CACNB2: variants seen among roughly 807,000 people sequenced by gnomAD.
CACNB2 encodes calcium voltage-gated channel auxiliary subunit beta 2, also known as voltage-dependent L-type calcium channel subunit beta-2.
A neutral mutation model predicts 73.3 loss-of-function variants in CACNB2; 42 were observed. The ratio of observed to expected loss-of-function variants is 0.57; its 90% CI spans 0.45 to 0.74. The LOEUF (loss-of-function observed/expected upper bound fraction) is 0.74. CACNB2 is among the 30% of genes least tolerant of loss of function. The pLI, the probability that CACNB2 is intolerant of heterozygous loss-of-function variation, is 0.00. For synonymous variants in CACNB2, 348 were observed against 310.3 expected (o/e 1.12, Z -1.28); for missense variants, 940 against 853.0 (o/e 1.10, Z -1.27).
intron 2 of CACNB2, among the ~76,000 whole-genome samples, chr10:18,386,184 C>G (rs932694415): frequency 2.6e-5 from 4 of 152,124 alleles, no homozygotes; most frequent in Non-Finnish European, 4.4e-5. Context: ...TAAACTTAGG[C>G]ATTTTCCATT....
chr10:18,389,872 T>C (rs139401100), intron 2 of CACNB2, among the ~76,000 whole-genome samples: 2 of 152,260 alleles, frequency 1.3e-5, no homozygotes, highest in Non-Finnish European at 2.9e-5. Flanking sequence ...GAACATCTTT[T>C]CCAGATGCTT....
At chr10:18,327,868 G>T (rs1046861135) in intron 2 of CACNB2, among the ~76,000 whole-genome samples, 1 of 152,136 alleles carries the variant, frequency 6.6e-6, no homozygotes, top group Admixed American at 6.6e-5. Context: ...CTGAGGGTTG[G>T]GGGGTGTCCT....
chr10:18,333,110 C>G (rs1477499501), intron 2 of CACNB2, among the ~76,000 whole-genome samples: 1 of 152,104 alleles, frequency 6.6e-6, no homozygotes, highest in Non-Finnish European at 1.5e-5. Context: ...ACAGTAGGTT[C>G]TCATTTTCAA....
At chr10:18,481,537 G>A (rs2048778360) in intron 3 of CACNB2, among the ~76,000 whole-genome samples, 1 of 151,576 alleles carries the variant, frequency 6.6e-6, no homozygotes, top group African/African-American at 2.4e-5. Context: ...GTGAGCCACC[G>A]TACCCGGCCC....
intron 3 of CACNB2, among the ~76,000 whole-genome samples, chr10:18,494,862 G>T (rs1300102352): frequency 6.6e-6 from 1 of 151,392 alleles, no homozygotes; most frequent in African/African-American, 2.4e-5. Flanking sequence ...GGAGTTTGAG[G>T]CCAGCCTGGG....
At chr10:18,146,011 A>C (rs927256101) in intron 1 of CACNB2, among the ~76,000 whole-genome samples, 1 of 151,940 alleles carries the variant, frequency 6.6e-6, no homozygotes, top group Non-Finnish European at 1.5e-5. Flanking sequence ...CATCCCCAAG[A>C]ACTCTATTTA....
At chr10:18,507,698 A>T (rs1300982294) in intron 6 of CACNB2, among the ~76,000 whole-genome samples, 1 of 152,220 alleles carries the variant, frequency 6.6e-6, no homozygotes, top group African/African-American at 2.4e-5. Flanking sequence ...GAATCAGAGT[A>T]AGACTGTAAA....
intron 3 of CACNB2, among the ~76,000 whole-genome samples, chr10:18,466,626 G>A (rs1352127566): frequency 1.5e-4 from 23 of 152,130 alleles, no homozygotes; most frequent in Admixed American, 1.5e-3. Context: ...TTCGTTTGTA[G>A]CTGTTAATTT....
At chr10:18,377,917 C>A (rs2042867127) in intron 2 of CACNB2, among the ~76,000 whole-genome samples, 1 of 152,150 alleles carries the variant, frequency 6.6e-6, no homozygotes, top group African/African-American at 2.4e-5. Context: ...TTTACCCAGA[C>A]CTGGGAACTG....
intron 3 of CACNB2, among the ~76,000 whole-genome samples, chr10:18,427,060 AT>A (rs1450982517): frequency 7.2e-6 from 1 of 139,760 alleles, no homozygotes; most frequent in Non-Finnish European, 1.5e-5. Flanking sequence ...GGTTCAAGCG[AT>A]TCTCCTGCCT....
At chr10:18,185,755 A>G (rs1233622322) in intron 2 of CACNB2, among the ~76,000 whole-genome samples, 2 of 152,144 alleles carry the variant, frequency 1.3e-5, no homozygotes, top group Non-Finnish European at 2.9e-5. Context: ...TTGCATACCC[A>G]GCACATTCAT....
chr10:18,486,517 C>A (rs899235082), intron 3 of CACNB2, among the ~76,000 whole-genome samples: 5 of 152,216 alleles, frequency 3.3e-5, no homozygotes, highest in Non-Finnish European at 5.9e-5. Context: ...TGGGCCTCCA[C>A]ACAGCAGGCC....
intron 2 of CACNB2, among the ~76,000 whole-genome samples, chr10:18,181,596 T>C (rs1458892223): frequency 1.4e-5 from 2 of 144,798 alleles, no homozygotes; most frequent in African/African-American, 5.1e-5. Flanking sequence ...TATTTTATTT[T>C]ATTTTATTTT....
At chr10:18,400,895 G>T in intron 2 of CACNB2, 2 of 1,541,890 alleles carry the variant, frequency 1.3e-6, no homozygotes, top group Non-Finnish European at 1.7e-6. Flanking sequence ...GAAAGCCCCG[G>T]AGGCAGAAAG....
chr10:18,356,522 T>C (rs529773096), intron 2 of CACNB2, among the ~76,000 whole-genome samples: 181 of 152,322 alleles, frequency 1.2e-3, no homozygotes, highest in African/African-American at 4.2e-3. Flanking sequence ...CCTGACTACA[T>C]TGCACAAAGG....
chr10:18,492,639 GAAAAA>G (rs1183474966), intron 3 of CACNB2, among the ~76,000 whole-genome samples: 1 of 99,164 alleles, frequency 1.0e-5, no homozygotes, highest in East Asian at 3.2e-4. Context: ...AAAAAAAAAA[GAAAAA>G]AAGAAAAGAA....
At chr10:18,455,312 T>C (rs528749241) in intron 3 of CACNB2, among the ~76,000 whole-genome samples, 72 of 152,334 alleles carry the variant, frequency 4.7e-4, no homozygotes, top group Non-Finnish European at 9.7e-4. Context: ...AAGTGTTGCC[T>C]AAGACTTTGA....
intron 2 of CACNB2, among the ~76,000 whole-genome samples, chr10:18,336,741 T>G (rs959679791): frequency 2.0e-5 from 3 of 152,236 alleles, no homozygotes; most frequent in Admixed American, 6.5e-5. Flanking sequence ...GTCTGTCAGC[T>G]TTTGACAAGT....
intron 2 of CACNB2, among the ~76,000 whole-genome samples, chr10:18,349,419 T>C (rs997384921): frequency 6.6e-6 from 1 of 152,260 alleles, no homozygotes; most frequent in Non-Finnish European, 1.5e-5. Context: ...CAATTGTTGA[T>C]GCAGTATCTG....
Sources: allele counts gnomAD v4.1 joint callset (sites outside exome capture counted in the v4.1 genomes callset), GRCh38; gene constraint gnomAD v4.1.1; transcripts MANE v1.5; gene names NCBI Gene and HGNC (gene_info 2026-07-23, HGNC 2026-07-21).